The following PCDH9 variants were observed in gnomAD, a reference collection of about 807,000 sequenced individuals.
The protein encoded by PCDH9 is protocadherin 9.
Under a neutral mutation model 70.6 loss-of-function variants are expected in PCDH9, and 24 were observed. That is an observed-to-expected ratio of 0.34 (90% CI 0.25 to 0.48). The LOEUF (loss-of-function observed/expected upper bound fraction) is 0.48. PCDH9 is among the 20% of genes least tolerant of loss of function. PCDH9 has a pLI of 0.99. For synonymous variants in PCDH9, 562 were observed against 558.5 expected (o/e 1.01, Z -0.09); for missense variants, 1,281 against 1,503.6 (o/e 0.85, Z 2.45).
At chr13:67,077,918 T>C (rs748928241) in intron 2 of PCDH9, among the ~76,000 whole-genome samples, 7 of 152,180 alleles carry the variant, frequency 4.6e-5, no homozygotes, top group Admixed American at 4.6e-4. Flanking sequence ...TTCTAAATGA[T>C]ATTTCTACAT....
chr13:66,646,445 T>A (rs1232345041), intron 3 of PCDH9, among the ~76,000 whole-genome samples: 1 of 152,230 alleles, frequency 6.6e-6, no homozygotes, highest in African/African-American at 2.4e-5. Context: ...TGAATTGATA[T>A]ATCTAGCACT....
chr13:66,816,225 T>C (rs1355753263), intron 3 of PCDH9, among the ~76,000 whole-genome samples: 1 of 152,136 alleles, frequency 6.6e-6, no homozygotes, highest in Non-Finnish European at 1.5e-5. Flanking sequence ...CAAATACATA[T>C]AAATGTTAAA....
At chr13:66,857,570 A>G (rs2081414893) in intron 3 of PCDH9, among the ~76,000 whole-genome samples, 1 of 152,166 alleles carries the variant, frequency 6.6e-6, no homozygotes, top group Admixed American at 6.6e-5. Flanking sequence ...CAAATACAGA[A>G]CTTTATTCAT....
chr13:66,632,941 C>T (rs1364182966), intron 3 of PCDH9, among the ~76,000 whole-genome samples: 1 of 151,848 alleles, frequency 6.6e-6, no homozygotes, highest in Non-Finnish European at 1.5e-5. Context: ...TTTCAAGAGA[C>T]AATTTATAGA....
At chr13:66,635,231 T>C (rs1458913107) in intron 3 of PCDH9, among the ~76,000 whole-genome samples, 1 of 152,192 alleles carries the variant, frequency 6.6e-6, no homozygotes, top group Non-Finnish European at 1.5e-5. Flanking sequence ...CATTTTATCC[T>C]GTGGGAAATA....
At chr13:67,021,594 C>T (rs2084672791) in intron 2 of PCDH9, among the ~76,000 whole-genome samples, 1 of 152,024 alleles carries the variant, frequency 6.6e-6, no homozygotes, top group Non-Finnish European at 1.5e-5. Flanking sequence ...CGGTCTCACT[C>T]TATTGCCCAG....
chr13:67,112,592 T>G (rs1006897637), intron 2 of PCDH9, among the ~76,000 whole-genome samples: 5 of 152,032 alleles, frequency 3.3e-5, no homozygotes, highest in Admixed American at 1.3e-4. Context: ...ATTTCCAAAC[T>G]GAAAAAAAAT....
intron 4 of PCDH9, among the ~76,000 whole-genome samples, chr13:66,402,212 G>A (rs992252868): frequency 6.6e-6 from 1 of 152,094 alleles, no homozygotes; most frequent in Non-Finnish European, 1.5e-5. Context: ...GATGAATAAA[G>A]GTGACAGAGT....
intron 2 of PCDH9, among the ~76,000 whole-genome samples, chr13:67,078,680 C>T (rs546276897): frequency 1.8e-4 from 27 of 152,034 alleles, no homozygotes; most frequent in African/African-American, 3.1e-4. Flanking sequence ...ATAGCTCTTC[C>T]GAAACAATAT....
rs370380679 is a variant in PCDH9 at position 67,227,098 on chromosome 13, C to G, written c.1343G>C (p.Ser448Thr). ...CCTTACCAGGGCAGTCTGATTTAAACTGGGCTTCCCAGAATCAGAGGCAAC... is the reference window on the plus strand; with the variant it reads ...CCTTACCAGGGCAGTCTGATTTAAAGTGGGCTTCCCAGAATCAGAGGCAAC... ...KIVASDSGKPSLNQTALVRVK... is the reference protein window; with the variant it reads ...KIVASDSGKPTLNQTALVRVK... The change falls in exon 2 of 5, where the codon AGT becomes ACT. Residue 448 changes from serine (S) to threonine (T), a missense_variant. By Grantham distance (58) the Ser-to-Thr change is moderately conservative. Coordinates refer to ENST00000377865, the MANE Select transcript of PCDH9 (RefSeq NM_203487.3). This position sits in a 1 kb window ranked among gnomAD's most constrained non-coding sequence, Gnocchi z 4.6. 6.2e-7 allele frequency: 1 copy of G among 1,614,082 alleles called. No homozygotes were observed.
Position 67,051,979 on chromosome 13 carries a change from C to T in PCDH9, c.3037-148374G>A, listed in dbSNP as rs995865661. Reference sequence around the variant, plus strand: ...ATTATATGATATTATTAAAACTTACCGCAGCCATGCAAGACTGACATTATT... The same window carrying T: ...ATTATATGATATTATTAAAACTTACTGCAGCCATGCAAGACTGACATTATT... On this transcript the variant is annotated intron_variant, in intron 2 of 4. Transcript: ENST00000377865. 6.6e-5 allele frequency among the ~76,000 whole-genome samples: 10 copies of T among 152,104 alleles called. No individual in the cohort carries two copies. In the South Asian group the frequency reaches 1.2e-3, roughly 19 times the overall value.
chr13:66,803,839 C>A (rs962217551), intron 3 of PCDH9, among the ~76,000 whole-genome samples: 9 of 152,136 alleles, frequency 5.9e-5, no homozygotes, highest in African/African-American at 1.9e-4. Context: ...TGTAGCATAA[C>A]TATGCTGGCT....
chr13:67,162,778 T>G (rs2087998083), intron 2 of PCDH9, among the ~76,000 whole-genome samples: 1 of 152,058 alleles, frequency 6.6e-6, no homozygotes, highest in African/African-American at 2.4e-5. Context: ...TAATAATGTA[T>G]TCAGAAAAAA....
At chr13:67,218,942 G>A (rs1397368746) in intron 2 of PCDH9, 6 of 151,766 alleles carry the variant, frequency 4.0e-5, no homozygotes, top group African/African-American at 1.5e-4. Flanking sequence ...AAAGATCAAG[G>A]GAAAATATTT....
intron 2 of PCDH9, among the ~76,000 whole-genome samples, chr13:67,162,642 G>A (rs911322928): frequency 3.9e-5 from 6 of 152,154 alleles, no homozygotes; most frequent in Non-Finnish European, 7.4e-5. Flanking sequence ...ATACTTCAAT[G>A]CCCTCTTCTA....
At chr13:66,932,507 T>C (rs1399060923) in intron 2 of PCDH9, among the ~76,000 whole-genome samples, 1 of 152,002 alleles carries the variant, frequency 6.6e-6, no homozygotes, top group Non-Finnish European at 1.5e-5. Flanking sequence ...GCATTACTTC[T>C]CCAGAGAAAT....
chr13:66,430,093 A>G (rs1340677671), intron 4 of PCDH9, among the ~76,000 whole-genome samples: 1 of 152,034 alleles, frequency 6.6e-6, no homozygotes, highest in African/African-American at 2.4e-5. Context: ...TGTTTTTAGA[A>G]TGCTTTTTTC....
intron 2 of PCDH9, among the ~76,000 whole-genome samples, chr13:67,071,062 C>T (rs886230894): frequency 6.6e-6 from 1 of 152,166 alleles, no homozygotes; most frequent in East Asian, 1.9e-4. Context: ...ACAAGAGGCA[C>T]TATCTCTTCA....
intron 2 of PCDH9, among the ~76,000 whole-genome samples, chr13:67,092,297 C>A (rs1369336088): frequency 6.6e-6 from 1 of 152,094 alleles, no homozygotes; most frequent in African/African-American, 2.4e-5. Context: ...CTATCCCTGG[C>A]AGATTTTTAA....
Sources: gnomAD v4.1 joint callset for allele counts (sites outside exome capture counted in the v4.1 genomes callset) on GRCh38, gnomAD v4.1.1 for gene constraint, Gnocchi (gnomAD v3.1) non-coding constraint, MANE v1.5 for transcripts, NCBI Gene and HGNC (gene_info 2026-07-23, HGNC 2026-07-21) for gene names.